CLVS1: variants seen among roughly 807,000 people sequenced by gnomAD.
The protein encoded by CLVS1 is clavesin 1.
Under a neutral mutation model 33.1 loss-of-function variants are expected in CLVS1, and 10 were observed. That is an observed-to-expected ratio of 0.30 (90% CI 0.19 to 0.51). The LOEUF (loss-of-function observed/expected upper bound fraction) is 0.51, where lower values mean the gene tolerates loss of function less well. Among genes scored for constraint, CLVS1 ranks in the 20% least tolerant of loss-of-function variants. The probability of loss-of-function intolerance (pLI) is 0.97; values close to 1 mark genes in which losing one functional copy is unlikely to be tolerated. For missense variants in CLVS1, 343 were observed against 433.4 expected (o/e 0.79, Z 1.85); for synonymous variants, 163 against 166.1 (o/e 0.98, Z 0.14).
chr8:61,456,712 C>T (rs1055441385), intron 4 of CLVS1, among the ~76,000 whole-genome samples: 22 of 151,862 alleles, frequency 1.4e-4, no homozygotes, highest in African/African-American at 3.9e-4. Context: ...GTCAGGAGAT[C>T]GAGACCATCC....
chr8:61,261,042 C>T (rs540244704), intron 2 of CLVS1, among the ~76,000 whole-genome samples: 1 of 152,240 alleles, frequency 6.6e-6, no homozygotes, highest in South Asian at 2.1e-4. Flanking sequence ...TAAAGAGACA[C>T]CTGATAATAT....
rs188333110 is a variant in CLVS1, at chr8:61,485,919, G to A, written c.978-13536G>A. Reference sequence around the variant, plus strand: ...ATGAGAACACTTGGACATGGGTGGTGGGGAACATCACACACTGGGGCCTTT... The same window carrying A: ...ATGAGAACACTTGGACATGGGTGGTAGGGAACATCACACACTGGGGCCTTT... On this transcript the variant is annotated intron_variant, in intron 5 of 5. Coordinates refer to ENST00000325897, the MANE Select transcript of CLVS1 (RefSeq NM_173519.3). Among the ~76,000 whole-genome samples, 234 of 152,202 alleles carry A rather than the reference G, an allele frequency of 1.5e-3. No homozygotes were observed. In the Middle Eastern group the frequency reaches 0.017, roughly 11 times the overall value.
At chr8:61,376,848 A>G (rs1464795844) in intron 3 of CLVS1, 69 bp downstream of exon 3, 4 of 1,387,550 alleles carry the variant, frequency 2.9e-6, no homozygotes, top group Non-Finnish European at 2.9e-6. Flanking sequence ...TATCGCAACC[A>G]AAGTAATATT....
Position 61,501,132 on chromosome 8 carries a change from A to AAAAT in CLVS1, c.*1593_*1596dup, listed in dbSNP as rs1377632869. On this transcript the variant is annotated 3_prime_UTR_variant, in exon 6 of 6. Coordinates refer to ENST00000325897, the MANE Select transcript of CLVS1 (RefSeq NM_173519.3). ...TTTTGTGTAGACATACGAAATCACA[A>AAAAT]AAATAATAACACTGAAATAATTCTA... The AAAAT allele has an allele frequency of 6.6e-6, 1 of 152,156 alleles. No homozygotes were observed. The highest frequency in any genetic ancestry group is 2.4e-5 in the African/African-American group (1 of 41,408). The allele number at this position is 152,156 out of a possible 1,614,324, so 9.4% of individuals were successfully genotyped here.
chr8:61,005,581 G>T, the CLVS1 span, among the ~76,000 whole-genome samples: 3 of 152,190 alleles, frequency 2.0e-5, no homozygotes, highest in African/African-American at 7.2e-5. Flanking sequence ...TAACAAAAAG[G>T]TTATTCAACG....
upstream of CLVS1, among the ~76,000 whole-genome samples, chr8:61,056,089 C>T (rs768873284): frequency 2.0e-5 from 3 of 152,150 alleles, no homozygotes; most frequent in Non-Finnish European, 2.9e-5. Context: ...GTAGGACTGA[C>T]GTTGGACCAT....
chr8:61,455,360 A>G (rs1390075607), intron 4 of CLVS1, among the ~76,000 whole-genome samples: 1 of 151,850 alleles, frequency 6.6e-6, no homozygotes, highest in Admixed American at 6.6e-5. Context: ...GTGTCTCTCC[A>G]TTTCCCCCTA....
intron 2 of CLVS1, among the ~76,000 whole-genome samples, chr8:61,272,122 C>A (rs1214058417): frequency 6.6e-6 from 1 of 151,152 alleles, no homozygotes; most frequent in African/African-American, 2.4e-5. Context: ...GATTTTGCAG[C>A]GGCTGGTACT....
intron 2 of CLVS1, among the ~76,000 whole-genome samples, chr8:61,368,966 T>TCTTTA (rs1445908472): frequency 6.6e-6 from 1 of 152,164 alleles, no homozygotes; most frequent in Non-Finnish European, 1.5e-5. Flanking sequence ...CAGGATTTTT[T>TCTTTA]CTTTCCTTTC....
chr8:61,448,741 T>C (rs975170646), intron 3 of CLVS1, among the ~76,000 whole-genome samples: 12 of 152,020 alleles, frequency 7.9e-5, no homozygotes, highest in Admixed American at 2.0e-4. Context: ...ATGGTTCTTT[T>C]TTCTATTTTA....
intron 5 of CLVS1, among the ~76,000 whole-genome samples, chr8:61,480,082 C>G (rs1026701229): frequency 4.3e-4 from 66 of 152,246 alleles, no homozygotes; most frequent in African/African-American, 1.4e-3. Context: ...AAGCTGTGTG[C>G]TGGGAGAACC....
intron 2 of CLVS1, among the ~76,000 whole-genome samples, chr8:61,273,550 C>A (rs1270543186): frequency 6.6e-6 from 1 of 152,264 alleles, no homozygotes; most frequent in South Asian, 2.1e-4. Flanking sequence ...CTTTGTTTAC[C>A]TAATCAAGCC....
chr8:61,280,010 A>G (rs1198006692), intron 2 of CLVS1, among the ~76,000 whole-genome samples: 2 of 152,196 alleles, frequency 1.3e-5, no homozygotes, highest in Admixed American at 1.3e-4. Context: ...TCAGCATAAC[A>G]AATATTTTCT....
intron 2 of CLVS1, among the ~76,000 whole-genome samples, chr8:61,316,156 A>G (rs1325976919): frequency 1.3e-5 from 2 of 152,218 alleles, no homozygotes; most frequent in African/African-American, 2.4e-5. Context: ...ATTATTGGGT[A>G]TATACCCAAA....
At chr8:61,116,634 TC>T (rs1805729529) in intron 1 of CLVS1, among the ~76,000 whole-genome samples, 1 of 151,786 alleles carries the variant, frequency 6.6e-6, no homozygotes, top group African/African-American at 2.4e-5. Flanking sequence ...GGGAATCCTT[TC>T]CCCATTGCTT....
intron 2 of CLVS1, among the ~76,000 whole-genome samples, chr8:61,308,712 A>G (rs189065668): frequency 6.6e-6 from 1 of 152,290 alleles, no homozygotes; most frequent in East Asian, 1.9e-4. Flanking sequence ...TAATATCAGC[A>G]TCAATAACTA....
the CLVS1 span, among the ~76,000 whole-genome samples, chr8:61,024,268 C>T: frequency 6.6e-6 from 1 of 152,102 alleles, no homozygotes; most frequent in African/African-American, 2.4e-5. Flanking sequence ...CATTGGTTTT[C>T]TTAGTGGCAG....
chr8:61,375,359 T>G (rs1301602270), intron 2 of CLVS1, among the ~76,000 whole-genome samples: 1 of 151,436 alleles, frequency 6.6e-6, no homozygotes, highest in Non-Finnish European at 1.5e-5. Flanking sequence ...CAAGCGATTC[T>G]CCTGCCTCAG....
At chr8:61,211,010 A>AGTAAAGTAGAGGAAAGCCAAAG (rs1206904588) in intron 2 of CLVS1, among the ~76,000 whole-genome samples, 10 of 152,198 alleles carry the variant, frequency 6.6e-5, no homozygotes, top group African/African-American at 1.9e-4. Flanking sequence ...GCAAGGGGAG[A>AGTAAAGTAGAGGAAAGCCAAAG]GTAAAGTAGA....
Sources: gnomAD v4.1 joint callset for allele counts (sites outside exome capture counted in the v4.1 genomes callset) on GRCh38, gnomAD v4.1.1 for gene constraint, MANE v1.5 for transcripts, NCBI Gene and HGNC (gene_info 2026-07-23, HGNC 2026-07-21) for gene names.